MTCL1: variants seen among roughly 807,000 people sequenced by gnomAD.
The protein encoded by MTCL1 is microtubule crosslinking factor 1, also known as microtubule cross-linking factor 1.
In MTCL1, 79 loss-of-function variants were observed where a neutral mutation model predicts 141.4. That is an observed-to-expected ratio of 0.56 (90% confidence interval 0.47 to 0.67). The LOEUF (loss-of-function observed/expected upper bound fraction) is 0.67, where lower values mean the gene tolerates loss of function less well. Among genes scored for constraint, MTCL1 ranks in the 30% least tolerant of loss-of-function variants. The pLI, the probability that MTCL1 is intolerant of heterozygous loss-of-function variation, is 0.00. For missense variants in MTCL1, 2,177 were observed against 2,113.9 expected, an observed-to-expected ratio of 1.03 and a Z score of -0.59; for synonymous variants, 914 against 875.8, an observed-to-expected ratio of 1.04 and a Z score of -0.77.
intron 3 of MTCL1, chr18:8,720,066 G>T (rs370899440): frequency 3.0e-6 from 1 of 328,270 alleles, no homozygotes. Flanking sequence ...GTTTGGGGGG[G>T]TTGGATACCA....
chr18:8,796,651 C>T (rs1463496310), intron 9 of MTCL1, among the ~76,000 whole-genome samples, 189 bp downstream of exon 8: 1 of 152,124 alleles, frequency 6.6e-6, no homozygotes, highest in East Asian at 1.9e-4. Context: ...GAAAATTGAG[C>T]ACAGGTGACT....
At position 8,760,808 on chromosome 18, in the gene MTCL1, T is replaced by C. The variant is rs541424067; in HGVS notation, c.358-17025T>C. Among the ~76,000 whole-genome samples the C allele has an allele frequency of 2.6e-5, 4 of 152,308 alleles. No individual in the cohort carries two copies. In the East Asian group the frequency reaches 7.7e-4, roughly 29 times the overall value. ...CAAATTTTAAGATTTTACAACTCTG[T>C]TAGAAAATCAAAATTTCTCCCTCTA... On this transcript the variant is annotated intron_variant, in intron 4 of 16. Transcript: ENST00000359865.
intron 5 of MTCL1, chr18:8,782,703 T>TA (rs1403272354): frequency 6.6e-6 from 1 of 152,156 alleles, no homozygotes; most frequent in African/African-American, 2.4e-5. Context: ...TTATAGCAAC[T>TA]AAAGGGAAAG....
intron 7 of MTCL1, among the ~76,000 whole-genome samples, chr18:8,788,382 T>C (rs2075596327): frequency 6.6e-6 from 1 of 152,196 alleles, no homozygotes; most frequent in Non-Finnish European, 1.5e-5. Flanking sequence ...ATAGCACACC[T>C]AGTATCAGCG....
chr18:8,760,670 T>C (rs2096427537), intron 4 of MTCL1, among the ~76,000 whole-genome samples: 1 of 152,246 alleles, frequency 6.6e-6, no homozygotes, highest in East Asian at 1.9e-4. Flanking sequence ...TCTTTCTTTT[T>C]TCTTCCCATA....
intron 4 of MTCL1, among the ~76,000 whole-genome samples, chr18:8,742,625 C>T (rs111746901): frequency 9.8e-5 from 15 of 152,300 alleles, no homozygotes; most frequent in Non-Finnish European, 1.6e-4. Context: ...ACCCTTGACA[C>T]GTGGGGATCA....
chr18:8,749,399 G>A (rs60356596), intron 4 of MTCL1, among the ~76,000 whole-genome samples: 4,972 of 152,272 alleles, frequency 0.033, 123 homozygotes, highest in South Asian at 0.076. Flanking sequence ...GGCTGCGGAC[G>A]GACCACATGG....
chr18:8,784,048 G>A, exon 6 of MTCL1: 2 of 1,613,476 alleles, frequency 1.2e-6, no homozygotes, highest in Non-Finnish European at 1.7e-6. Flanking sequence ...TTAAGTTTGA[G>A]CCTCCCCGGG....
chr18:8,796,593 A>G (rs541476364), intron 9 of MTCL1, 131 bp downstream of exon 8: 1 of 945,046 alleles, frequency 1.1e-6, no homozygotes, highest in East Asian at 2.7e-5. Context: ...TTAACATCTA[A>G]TATTGCAAAA....
At chr18:8,770,113 G>C (rs1169728242) in intron 4 of MTCL1, among the ~76,000 whole-genome samples, 1 of 152,220 alleles carries the variant, frequency 6.6e-6, no homozygotes, top group Non-Finnish European at 1.5e-5. Flanking sequence ...AGTCCTGGAA[G>C]GTAGCTCTGA....
exon 6 of MTCL1, chr18:8,783,764 G>A (rs199804867): frequency 9.6e-5 from 155 of 1,612,770 alleles, no homozygotes; most frequent in Non-Finnish European, 1.1e-4. Flanking sequence ...GGAGGAGGAA[G>A]CCAACATCTT....
At chr18:8,733,699 C>T (rs191390803) in intron 4 of MTCL1, among the ~76,000 whole-genome samples, 2 of 152,304 alleles carry the variant, frequency 1.3e-5, no homozygotes, top group East Asian at 3.9e-4. Context: ...AGCCACTGTG[C>T]TTGGCCGTTA....
At chr18:8,743,254 T>C (rs1308177808) in intron 4 of MTCL1, among the ~76,000 whole-genome samples, 5 of 152,214 alleles carry the variant, frequency 3.3e-5, no homozygotes, top group Non-Finnish European at 5.9e-5. Flanking sequence ...ATATATAACA[T>C]ACGTAAATGA....
chr18:8,768,178 T>A (rs1015738397), intron 4 of MTCL1, among the ~76,000 whole-genome samples: 1 of 152,236 alleles, frequency 6.6e-6, no homozygotes, highest in Non-Finnish European at 1.5e-5. Context: ...TATGTTAACA[T>A]TGTACTATAC....
chr18:8,792,663 C>T (rs966123347), intron 7 of MTCL1, among the ~76,000 whole-genome samples: 7 of 152,216 alleles, frequency 4.6e-5, no homozygotes, highest in African/African-American at 1.2e-4. Flanking sequence ...TCCCGGCGTC[C>T]AGAAGCCACT....
chr18:8,730,807 C>A (rs1039998820), intron 4 of MTCL1, among the ~76,000 whole-genome samples: 33 of 152,186 alleles, frequency 2.2e-4, no homozygotes, highest in Non-Finnish European at 3.7e-4. Flanking sequence ...ATTGAAGATC[C>A]ATCTATTTCT....
At chr18:8,713,331 G>A (rs908807134), upstream of MTCL1, among the ~76,000 whole-genome samples, 1 of 152,150 alleles carries the variant, frequency 6.6e-6, no homozygotes, top group African/African-American at 2.4e-5. Context: ...AAACTATTAA[G>A]GACAGCTTTT....
intron 9 of MTCL1, 99 bp from the exon 9 acceptor site, chr18:8,797,998 A>G: frequency 3.3e-6 from 4 of 1,225,178 alleles, no homozygotes; most frequent in African/African-American, 1.6e-5. Flanking sequence ...AGGCGTTGAT[A>G]ATCCATAAAG....
intron 4 of MTCL1, among the ~76,000 whole-genome samples, chr18:8,750,111 G>A (rs111826375): frequency 2.4e-4 from 36 of 151,752 alleles, no homozygotes; most frequent in Middle Eastern, 3.4e-3. Context: ...TGGTGTGATC[G>A]CGGCTCACTG....
Sources: gnomAD v4.1 joint callset for allele counts (sites outside exome capture counted in the v4.1 genomes callset) on GRCh38, gnomAD v4.1.1 for gene constraint, MANE v1.5 for transcripts, NCBI Gene and HGNC (gene_info 2026-07-23, HGNC 2026-07-21) for gene names.